The following MAD1L1 variants were observed in gnomAD, a reference collection of about 807,000 sequenced individuals.
MAD1L1 encodes mitotic arrest deficient 1 like 1.
A neutral mutation model predicts 96.9 loss-of-function variants in MAD1L1; 95 were observed. That is an observed-to-expected ratio of 0.98 (90% CI 0.83 to 1.16). The LOEUF (loss-of-function observed/expected upper bound fraction) is 1.16, where lower values mean the gene tolerates loss of function less well. Among genes scored for constraint, MAD1L1 ranks in the 50% most tolerant of loss-of-function variants. The pLI is 0.00. For missense variants in MAD1L1, 1,007 were observed against 954.4 expected, an observed-to-expected ratio of 1.06 and a Z score of -0.73; for synonymous variants, 473 against 396.6, an observed-to-expected ratio of 1.19 and a Z score of -2.29.
At chr7:2,169,392 T>C (rs1637763) in intron 10 of MAD1L1, among the ~76,000 whole-genome samples, 8,536 of 152,230 alleles carry the variant, frequency 0.056, 664 homozygotes, top group African/African-American at 0.17. Flanking sequence ...AAAAGTTCTA[T>C]AGCCACCTTG....
At chr7:1,948,550 G>A (rs1031316252) in intron 16 of MAD1L1, among the ~76,000 whole-genome samples, 3 of 152,224 alleles carry the variant, frequency 2.0e-5, no homozygotes, top group Admixed American at 6.5e-5. Context: ...CTGAGACCCT[G>A]CTGGGCAGCT....
chr7:2,025,999 T>A (rs956774334), intron 12 of MAD1L1, among the ~76,000 whole-genome samples: 8 of 152,124 alleles, frequency 5.3e-5, no homozygotes, highest in Non-Finnish European at 1.2e-4. Context: ...ATTAATTACA[T>A]CAGTTACAAT....
intron 11 of MAD1L1, among the ~76,000 whole-genome samples, chr7:2,087,574 A>C (rs953849088): frequency 3.3e-5 from 5 of 152,170 alleles, no homozygotes; most frequent in Non-Finnish European, 5.9e-5. Flanking sequence ...ACTAATCAGG[A>C]AATGGAGAAG....
rs188292927 is a variant in MAD1L1, at chr7:2,207,469, G to A, written c.986+5743C>T. On this transcript the variant is annotated intron_variant, in intron 10 of 18. Coordinates refer to ENST00000265854, the MANE Select transcript of MAD1L1 (RefSeq NM_001013836.2). ...GCCGAAGGGTGAGTTGATTTCCAACGGCCAATGGTGTAATCAATCATGCCT... is the reference window on the plus strand; with the variant it reads ...GCCGAAGGGTGAGTTGATTTCCAACAGCCAATGGTGTAATCAATCATGCCT... Among the ~76,000 whole-genome samples the A allele has an allele frequency of 2.7e-3, 407 of 152,196 alleles. 2 individuals carry two copies. Among genetic ancestry groups the A allele is most frequent in the African/African-American group, 9.1e-3 (379 of 41,522 alleles).
At chr7:1,871,026 CTAA>C in intron 18 of MAD1L1, among the ~76,000 whole-genome samples, 1 of 146,874 alleles carries the variant, frequency 6.8e-6, no homozygotes, top group Non-Finnish European at 1.5e-5. Context: ...CACGCTGAAC[CTAA>C]CATACGCCTG....
intron 14 of MAD1L1, among the ~76,000 whole-genome samples, chr7:1,998,579 G>C (rs893166626): frequency 4.6e-5 from 7 of 152,170 alleles, no homozygotes; most frequent in African/African-American, 1.7e-4. Context: ...CTTCAGATGG[G>C]AGCATCCCTC....
chr7:1,838,186 C>T (rs1424245544), intron 18 of MAD1L1, among the ~76,000 whole-genome samples: 3 of 152,210 alleles, frequency 2.0e-5, no homozygotes, highest in African/African-American at 4.8e-5. Flanking sequence ...CCAGCGGCAC[C>T]CGCAGCCCCT....
At chr7:2,065,210 C>T (rs1369667526) in intron 12 of MAD1L1, among the ~76,000 whole-genome samples, 2 of 152,204 alleles carry the variant, frequency 1.3e-5, no homozygotes, top group Non-Finnish European at 2.9e-5. Flanking sequence ...CAGCAGCCCC[C>T]GCCTTCTTGG....
intron 18 of MAD1L1, among the ~76,000 whole-genome samples, chr7:1,875,921 G>C (rs553540557): frequency 6.6e-6 from 1 of 152,344 alleles, no homozygotes; most frequent in Admixed American, 6.5e-5. Context: ...AGCTCTCCAA[G>C]TGCACAGTGG....
chr7:2,064,555 G>A lies in MAD1L1; in HGVS notation c.1218+4639C>T, dbSNP rs144916173. Among the ~76,000 whole-genome samples the A allele has an allele frequency of 5.4e-3, 825 of 152,304 alleles. 9 individuals carry two copies. Among genetic ancestry groups the A allele is most frequent in the African/African-American group, 0.019 (787 of 41,566 alleles). On this transcript the variant is annotated intron_variant, in intron 12 of 18. Coordinates refer to ENST00000265854, the MANE Select transcript of MAD1L1 (RefSeq NM_001013836.2). ...CCGAAGAGGACAGAGGCTTCTCCCCGGAGGACAGAGGATTCTCCTAGGAGG... is the reference window on the plus strand; with the variant it reads ...CCGAAGAGGACAGAGGCTTCTCCCCAGAGGACAGAGGATTCTCCTAGGAGG...
chr7:2,141,099 C>T (rs960346615), intron 11 of MAD1L1, among the ~76,000 whole-genome samples: 4 of 152,342 alleles, frequency 2.6e-5, no homozygotes, highest in East Asian at 1.9e-4. Flanking sequence ...CCAGCGGCAG[C>T]GGACGCTGGA....
intron 17 of MAD1L1, among the ~76,000 whole-genome samples, chr7:1,910,106 G>A (rs1221553022): frequency 1.3e-5 from 2 of 152,098 alleles, no homozygotes; most frequent in Non-Finnish European, 2.9e-5. Flanking sequence ...TGACAGGCGG[G>A]CGCGGATATC....
intron 11 of MAD1L1, among the ~76,000 whole-genome samples, chr7:2,102,726 CCCCA>C (rs1370748718): frequency 6.6e-6 from 1 of 151,786 alleles, no homozygotes. Flanking sequence ...CTCACCACGT[CCCCA>C]CCATCACCAC....
chr7:2,177,766 G>C (rs148394339), intron 10 of MAD1L1, among the ~76,000 whole-genome samples: 3 of 152,108 alleles, frequency 2.0e-5, no homozygotes, highest in African/African-American at 7.2e-5. Context: ...GTTTCTGCTC[G>C]ACTCTGTAAA....
rs139422842 is a variant in MAD1L1 at position 1,892,272 on chromosome 7, C to T, written c.1998+5928G>A. ...TGCGGGAGGCTGCACGGCCCAGGCT[C>T]GTACAAGTCATTCTAGGAAGTTCCC... On this transcript the variant is annotated intron_variant, in intron 18 of 18. Transcript: ENST00000265854. 5.2e-3 allele frequency among the ~76,000 whole-genome samples: 796 copies of T among 152,266 alleles called. 5 individuals carry two copies. The highest frequency in any genetic ancestry group is 8.1e-3 in the Non-Finnish European group (550 of 68,028).
chr7:1,857,504 C>G (rs868856814), intron 18 of MAD1L1, among the ~76,000 whole-genome samples: 1 of 152,200 alleles, frequency 6.6e-6, no homozygotes, highest in South Asian at 2.1e-4. Flanking sequence ...AGTTTTCAGA[C>G]AGAGGAACAG....
At chr7:2,097,874 C>T (rs1452198986) in intron 11 of MAD1L1, among the ~76,000 whole-genome samples, 2 of 152,230 alleles carry the variant, frequency 1.3e-5, no homozygotes, top group African/African-American at 2.4e-5. Context: ...GGGCAGTGTT[C>T]CTCAGCAAGG....
At chr7:2,223,007 C>T (rs545135998) in intron 4 of MAD1L1, among the ~76,000 whole-genome samples, 7 of 152,200 alleles carry the variant, frequency 4.6e-5, no homozygotes, top group Admixed American at 2.0e-4. Context: ...GCACAGATCA[C>T]ACACACATTT....
chr7:2,173,849 G>C (rs961920405), intron 10 of MAD1L1, among the ~76,000 whole-genome samples: 3 of 152,136 alleles, frequency 2.0e-5, no homozygotes, highest in Non-Finnish European at 4.4e-5. Flanking sequence ...CCCAGGCTGG[G>C]GTGCAGTGGT....
Sources: gnomAD v4.1 joint callset for allele counts (sites outside exome capture counted in the v4.1 genomes callset) on GRCh38, gnomAD v4.1.1 for gene constraint, MANE v1.5 for transcripts, NCBI Gene and HGNC (gene_info 2026-07-23, HGNC 2026-07-21) for gene names.